TNKS: variants seen among roughly 807,000 people sequenced by gnomAD.
The protein encoded by TNKS is tankyrase.
A neutral mutation model predicts 135.8 loss-of-function variants in TNKS; 72 were observed. The observed-to-expected ratio is 0.53, with a 90% confidence interval of 0.44 to 0.64. TNKS has a LOEUF of 0.64. Ranked by LOEUF, TNKS falls within the 30% of genes least tolerant of loss-of-function variation. The probability of loss-of-function intolerance (pLI) is 0.00; values close to 1 mark genes in which losing one functional copy is unlikely to be tolerated. For synonymous variants in TNKS, 849 were observed against 649.3 expected (o/e 1.31, Z -4.68); for missense variants, 1,769 against 1,674.0 (o/e 1.06, Z -0.99).
chr8:9,687,130 A>G (rs1803039989), intron 5 of TNKS, among the ~76,000 whole-genome samples: 2 of 152,268 alleles, frequency 1.3e-5, no homozygotes, highest in South Asian at 4.1e-4. Flanking sequence ...CTGGCTCTCT[A>G]TGGCCTATAG....
At chr8:9,659,917 C>A (rs904590778) in intron 3 of TNKS, among the ~76,000 whole-genome samples, 4 of 152,276 alleles carry the variant, frequency 2.6e-5, no homozygotes, top group Admixed American at 6.5e-5. Flanking sequence ...CACCACTGAT[C>A]CCACAGAAAT....
rs1387671670 is a variant in TNKS, at chr8:9,780,149, T to C, written c.*3413T>C. 6.6e-6 allele frequency: 1 copy of C among 152,222 alleles called. No homozygotes were observed. The highest frequency in any genetic ancestry group is 1.5e-5 in the Non-Finnish European group (1 of 68,046). The allele number at this position is 152,222 out of a possible 1,614,324, so 9.4% of individuals were successfully genotyped here. A position where few individuals can be genotyped will look rare whatever the true frequency, so the allele number is the denominator to read the frequency against. Reference sequence around the variant, plus strand: ...CAATAAGTTGTCTAGGTTTTTCTGTTTCAGTGTCTCTCCCAATGGCACGAA... The same window carrying C: ...CAATAAGTTGTCTAGGTTTTTCTGTCTCAGTGTCTCTCCCAATGGCACGAA... On this transcript the variant is annotated 3_prime_UTR_variant, in exon 27 of 27. Coordinates refer to ENST00000310430, the MANE Select transcript of TNKS (RefSeq NM_003747.3).
Position 9,615,949 on chromosome 8 carries a change from A to G in TNKS, c.994+272A>G, listed in dbSNP as rs34714344. ...TTTAGTCATTTTTATGGTTTATATC[A>G]TAATTTTTCTGTATCTCATCCTCTC... On this transcript the variant is annotated intron_variant, in intron 3 of 26. Coordinates refer to ENST00000310430, the MANE Select transcript of TNKS (RefSeq NM_003747.3). 5.3e-5 allele frequency among the ~76,000 whole-genome samples: 8 copies of G among 152,192 alleles called. No homozygotes were observed. The East Asian group carries it at 7.7e-4, about 15-fold the overall frequency.
rs1432125325 is a variant in TNKS at position 9,778,817 on chromosome 8, T to G, written c.*2081T>G. On this transcript the variant is annotated 3_prime_UTR_variant, in exon 27 of 27. Transcript: ENST00000310430. ...TTAAAATGGTAAACACAGCTGTGAT[T>G]TTTAGTTAAGTAAAAGAGTTAATAT... 6.6e-6 allele frequency: 1 copy of G among 152,212 alleles called. No individual in the cohort carries two copies. The highest frequency in any genetic ancestry group is 1.5e-5 in the Non-Finnish European group (1 of 68,034). The allele number at this position is 152,212 out of a possible 1,614,324, so 9.4% of individuals were successfully genotyped here.
intron 3 of TNKS, among the ~76,000 whole-genome samples, chr8:9,649,904 T>G (rs1255888642): frequency 2.2e-4 from 12 of 54,898 alleles, no homozygotes; most frequent in Non-Finnish European, 4.8e-4. Flanking sequence ...TTTTTTTTTT[T>G]TTTGAGATGG....
intron 5 of TNKS, among the ~76,000 whole-genome samples, chr8:9,691,627 C>T (rs1218343017): frequency 6.6e-6 from 1 of 152,130 alleles, no homozygotes; most frequent in Non-Finnish European, 1.5e-5. Flanking sequence ...TCCTTAGTTC[C>T]CTCATTTGTT....
At chr8:9,711,124 A>G (rs1188935946) in intron 11 of TNKS, among the ~76,000 whole-genome samples, 1 of 152,176 alleles carries the variant, frequency 6.6e-6, no homozygotes, top group Non-Finnish European at 1.5e-5. Flanking sequence ...GTTGTCTCCA[A>G]AGTAGGGTAT....
intron 11 of TNKS, chr8:9,710,513 G>A (rs1203415974): frequency 9.8e-6 from 5 of 510,818 alleles, no homozygotes; most frequent in Non-Finnish European, 1.7e-5. Flanking sequence ...ATACTATACG[G>A]ATATATTTTG....
intron 3 of TNKS, among the ~76,000 whole-genome samples, chr8:9,620,909 G>C (rs777455838): frequency 1.3e-5 from 2 of 152,060 alleles, no homozygotes; most frequent in Non-Finnish European, 2.9e-5. Context: ...TGTCTGTCTT[G>C]TTTACTTCTT....
chr8:9,745,777 G>C (rs1006011071), intron 17 of TNKS, among the ~76,000 whole-genome samples: 2 of 152,008 alleles, frequency 1.3e-5, no homozygotes, highest in African/African-American at 4.8e-5. Flanking sequence ...TTAGTAGTTG[G>C]CTGATCTGTA....
intron 11 of TNKS, among the ~76,000 whole-genome samples, chr8:9,711,332 T>C (rs2128809527): frequency 2.0e-5 from 3 of 152,310 alleles, no homozygotes; most frequent in African/African-American, 7.2e-5. Context: ...GTGGGACTTG[T>C]TAGTATCGAG....
chr8:9,766,849 C>A (rs1563221166), intron 25 of TNKS, among the ~76,000 whole-genome samples: 2 of 152,086 alleles, frequency 1.3e-5, no homozygotes, highest in Non-Finnish European at 2.9e-5. Flanking sequence ...CCGGTAAATC[C>A]CGTTGGTTCT....
chr8:9,627,421 G>A lies in TNKS; in HGVS notation c.994+11744G>A, dbSNP rs1238969807. On this transcript the variant is annotated intron_variant, in intron 3 of 26. Transcript: ENST00000310430. ...GTAAAACAACTTGGGATGTGTAATT[G>A]GCATCAGAAATGGCAGGTAGTCTTT... Among the ~76,000 whole-genome samples the A allele has an allele frequency of 4.6e-5, 7 of 152,134 alleles. No individual in the cohort carries two copies. In the East Asian group the frequency reaches 1.2e-3, roughly 25 times the overall value.
Position 9,729,653 on chromosome 8 carries a change from C to T in TNKS, c.2002-1237C>T, listed in dbSNP as rs948140911. 6.9e-4 allele frequency among the ~76,000 whole-genome samples: 105 copies of T among 151,998 alleles called. 1 individual carries two copies. The highest frequency in any genetic ancestry group is 6.9e-3 in the Admixed American group (105 of 15,254). ...GTTTGACAAGGATAACTCACTTAAC[C>T]TTCATCCCTGATTTATTTATCTGTA... On this transcript the variant is annotated intron_variant, in intron 13 of 26. Coordinates refer to ENST00000310430, the MANE Select transcript of TNKS (RefSeq NM_003747.3).
Position 9,720,391 on chromosome 8 carries a change from C to A in TNKS, c.1767C>A (p.Thr589=). The part of the protein sequence containing the change: ...KHGAKMNALD[T]LGQTALHRAA... ...TTTTTCAGATGAATGCACTGGACAC[C>A]CTTGGTCAGACTGCTTTGCATAGAG... Residue 589 remains threonine, a synonymous_variant, in exon 12 of 27, where the codon ACC becomes ACA. Coordinates refer to ENST00000310430, the MANE Select transcript of TNKS (RefSeq NM_003747.3). 6.2e-7 allele frequency: 1 copy of A among 1,611,732 alleles called. No individual in the cohort carries two copies. Among genetic ancestry groups the A allele is most frequent in the Non-Finnish European group, 8.5e-7 (1 of 1,179,136 alleles).
chr8:9,565,682 T>C (rs1797498684), intron 1 of TNKS, among the ~76,000 whole-genome samples: 1 of 151,966 alleles, frequency 6.6e-6, no homozygotes. Context: ...AAACCCCGTC[T>C]CTACTAAAAA....
rs200573271 is a variant in TNKS, at chr8:9,627,030, C to A, written c.994+11353C>A. Among the ~76,000 whole-genome samples the A allele has an allele frequency of 2.7e-4, 41 of 152,164 alleles. No homozygotes were observed. In the East Asian group the frequency reaches 6.0e-3, roughly 22 times the overall value. On this transcript the variant is annotated intron_variant, in intron 3 of 26. Coordinates refer to ENST00000310430, the MANE Select transcript of TNKS (RefSeq NM_003747.3). ...TAGAGGGTTGGACTTTCAGCCCAAC[C>A]ACTGAGGAAGGGAGAGAGGCTGAAG... is the stretch of plus-strand genomic sequence containing the variant.
chr8:9,614,851 CAG>C (rs1309984365), intron 2 of TNKS, among the ~76,000 whole-genome samples: 1 of 152,148 alleles, frequency 6.6e-6, no homozygotes, highest in Admixed American at 6.6e-5. Flanking sequence ...TTTACTTAAA[CAG>C]TGATTTTTTC....
rs1039577770 is a variant in TNKS at position 9,748,135 on chromosome 8, T to G, written c.2755T>G (p.Cys919Gly). Residue 919 changes from cysteine to glycine, a missense_variant, in exon 18 of 27, where the codon TGC becomes GGC. By Grantham distance (159) the Cys-to-Gly change is radical. This residue lies in a region of TNKS where 722 missense variants were observed against 688.9 expected (regional missense o/e 1.05). Coordinates refer to ENST00000310430, the MANE Select transcript of TNKS (RefSeq NM_003747.3). Reference sequence around the variant, plus strand: ...AGCCCAGAAAGGAAGGACGCAGCTGTGCGCCCTCCTCCTAGCGCATGGTGC... The same window carrying G: ...AGCCCAGAAAGGAAGGACGCAGCTGGGCGCCCTCCTCCTAGCGCATGGTGC... ...EAAQKGRTQLCALLLAHGADP... is the reference protein window; with the variant it reads ...EAAQKGRTQLGALLLAHGADP... The G allele has an allele frequency of 6.2e-7, 1 of 1,614,052 alleles. No individual in the cohort carries two copies. Among genetic ancestry groups the G allele is most frequent in the African/African-American group, 1.3e-5 (1 of 74,916 alleles).
Sources: gnomAD v4.1 joint callset for allele counts (sites outside exome capture counted in the v4.1 genomes callset) on GRCh38, gnomAD v4.1.1 for gene constraint, gnomAD v4.1.1 regional missense constraint, MANE v1.5 for transcripts, NCBI Gene and HGNC (gene_info 2026-07-23, HGNC 2026-07-21) for gene names.